Variants in SORCS2 observed in about 807,000 individuals in gnomAD.
SORCS2 encodes the protein VPS10 domain-containing receptor SorCS2.
In SORCS2, 100 loss-of-function variants were observed where a neutral mutation model predicts 141.6. That is an observed-to-expected ratio of 0.71 (90% confidence interval 0.60 to 0.83). The LOEUF (loss-of-function observed/expected upper bound fraction) is 0.83. Ranked by LOEUF, SORCS2 falls within the 40% of genes least tolerant of loss-of-function variation. The pLI is 0.00. For synonymous variants in SORCS2, 789 were observed against 676.9 expected (o/e 1.17, Z -2.57); for missense variants, 1,646 against 1,560.2 (o/e 1.05, Z -0.93).
At chr4:7,283,345 T>G (rs193067181) in intron 1 of SORCS2, among the ~76,000 whole-genome samples, 28 of 152,324 alleles carry the variant, frequency 1.8e-4, no homozygotes, top group African/African-American at 6.3e-4. Flanking sequence ...AGTTCTTTCC[T>G]GGGCTGCTTT....
At chr4:7,326,089 T>C (rs1239265736) in intron 1 of SORCS2, among the ~76,000 whole-genome samples, 1 of 152,002 alleles carries the variant, frequency 6.6e-6, no homozygotes, top group Non-Finnish European at 1.5e-5. Flanking sequence ...GATCAGCATT[T>C]ACAGAGGCTC....
intron 8 of SORCS2, among the ~76,000 whole-genome samples, chr4:7,674,210 C>T (rs916097358): frequency 4.6e-5 from 7 of 152,024 alleles, no homozygotes; most frequent in African/African-American, 9.7e-5. Context: ...TGTTGAATTT[C>T]GGTCCATAGA....
chr4:7,730,413 G>A (rs1711570037), intron 23 of SORCS2, among the ~76,000 whole-genome samples: 1 of 152,172 alleles, frequency 6.6e-6, no homozygotes, highest in Admixed American at 6.5e-5. Context: ...CCACTTATGG[G>A]TATATACCCA....
chr4:7,376,810 G>C (rs1722686234), intron 1 of SORCS2, among the ~76,000 whole-genome samples: 1 of 152,044 alleles, frequency 6.6e-6, no homozygotes, highest in African/African-American at 2.4e-5. Context: ...TGCTCATATA[G>C]TGTCTAGAAT....
intron 2 of SORCS2, among the ~76,000 whole-genome samples, chr4:7,520,608 T>A (rs6819749): frequency 6.6e-6 from 1 of 152,192 alleles, no homozygotes; most frequent in Non-Finnish European, 1.5e-5. Flanking sequence ...AAGGGCTGGT[T>A]GGGAGACGCG....
At chr4:7,638,294 T>C (rs762300128) in intron 3 of SORCS2, 34 bp from the exon 4 acceptor site, 1 of 1,489,628 alleles carries the variant, frequency 6.7e-7, no homozygotes, top group East Asian at 2.6e-5. Flanking sequence ...GAGGGGCACC[T>C]GGCCCAGGCC....
intron 2 of SORCS2, among the ~76,000 whole-genome samples, chr4:7,469,916 G>A (rs1252268825): frequency 6.6e-6 from 1 of 152,194 alleles, no homozygotes; most frequent in African/African-American, 2.4e-5. Context: ...GAGACAGGAA[G>A]ACAATTGTTA....
rs1388693323 is a variant in SORCS2 at position 7,667,360 on chromosome 4, A to G, written c.1161+147A>G. On this transcript the variant is annotated intron_variant, in intron 8 of 26. Transcript: ENST00000507866. ...GTGGCCACGCTTCGTCCAGCTGCTC[A>G]CCCCTCACACCCTCCATTCCAGCCC... 8.7e-6 allele frequency: 6 copies of G among 689,258 alleles called. No homozygotes were observed. The East Asian group carries it at 1.0e-4, about 12-fold the overall frequency. 42.7% of individuals were successfully genotyped at this position (689,258 alleles called of 1,614,324 possible).
chr4:7,201,392 G>C lies in SORCS2; in HGVS notation c.480+8266G>C, dbSNP rs184896676. On this transcript the variant is annotated intron_variant, in intron 1 of 26. Coordinates refer to ENST00000507866, the MANE Select transcript of SORCS2 (RefSeq NM_020777.3). The surrounding 1 kb of genome is among the most constrained non-coding windows in gnomAD (Gnocchi z 4.4). ...AAAGGGCGATTTAATTTGTAGTTGC[G>C]TGAAGGTTCCTGAGAGTATTCTAAA... 6.6e-6 allele frequency among the ~76,000 whole-genome samples: 1 copy of C among 152,228 alleles called. No individual in the cohort carries two copies. The highest frequency in any genetic ancestry group is 2.4e-5 in the African/African-American group (1 of 41,452).
intron 2 of SORCS2, among the ~76,000 whole-genome samples, chr4:7,438,969 T>G (rs1325638677): frequency 1.3e-5 from 2 of 152,194 alleles, no homozygotes; most frequent in African/African-American, 4.8e-5. Context: ...TTCTGTACTT[T>G]CCAGCACAGG....
At chr4:7,551,180 G>A (rs1713672768) in intron 3 of SORCS2, among the ~76,000 whole-genome samples, 1 of 152,164 alleles carries the variant, frequency 6.6e-6, no homozygotes, top group South Asian at 2.1e-4. Flanking sequence ...GGGAAAATTG[G>A]TTTGATATTG....
At chr4:7,562,288 C>A (rs996923614) in intron 3 of SORCS2, among the ~76,000 whole-genome samples, 2 of 151,874 alleles carry the variant, frequency 1.3e-5, no homozygotes, top group Non-Finnish European at 2.9e-5. Flanking sequence ...GGAAGTGGTG[C>A]ATGAGCTGTG....
intron 1 of SORCS2, among the ~76,000 whole-genome samples, chr4:7,316,484 CTCAGCA>C (rs1370790152): frequency 6.6e-6 from 1 of 152,218 alleles, no homozygotes; most frequent in Non-Finnish European, 1.5e-5. Context: ...AAACTAAGGA[CTCAGCA>C]TGGTACCCAG....
At chr4:7,486,490 C>A (rs902284902) in intron 2 of SORCS2, among the ~76,000 whole-genome samples, 8 of 152,222 alleles carry the variant, frequency 5.3e-5, no homozygotes, top group Non-Finnish European at 1.0e-4. Flanking sequence ...GACCCTGATG[C>A]CTGTTCCTGC....
intron 2 of SORCS2, among the ~76,000 whole-genome samples, chr4:7,425,731 A>G (rs1726388454): frequency 6.6e-6 from 1 of 152,194 alleles, no homozygotes; most frequent in Non-Finnish European, 1.5e-5. Flanking sequence ...CAGTGGACCG[A>G]GCTGTCAGCA....
intron 1 of SORCS2, among the ~76,000 whole-genome samples, chr4:7,360,571 C>CT (rs753548897): frequency 0.013 from 630 of 49,232 alleles, 116 homozygotes; most frequent in African/African-American, 0.058. Context: ...CCAGTCCCTT[C>CT]TTTTTTTTTT....
intron 1 of SORCS2, among the ~76,000 whole-genome samples, chr4:7,317,155 A>G (rs1472956997): frequency 1.3e-5 from 2 of 152,172 alleles, no homozygotes; most frequent in Non-Finnish European, 1.5e-5. Context: ...ATAAATGGCC[A>G]TGGTGTGCCT....
intron 4 of SORCS2, 81 bp from the exon 5 acceptor site, chr4:7,654,053 G>T: frequency 7.9e-7 from 1 of 1,260,472 alleles, no homozygotes. Flanking sequence ...GATCTGCTGT[G>T]GTGAAGACAT....
chr4:7,632,137 A>C (rs898572549), intron 3 of SORCS2, among the ~76,000 whole-genome samples: 1 of 152,160 alleles, frequency 6.6e-6, no homozygotes, highest in Non-Finnish European at 1.5e-5. Context: ...TAAGGGACTC[A>C]CCTGACCATG....
Sources: gnomAD v4.1 joint callset for allele counts (sites outside exome capture counted in the v4.1 genomes callset) on GRCh38, gnomAD v4.1.1 for gene constraint, Gnocchi (gnomAD v3.1) non-coding constraint, MANE v1.5 for transcripts, NCBI Gene and HGNC (gene_info 2026-07-23, HGNC 2026-07-21) for gene names.